Variants in PCDHGA11 observed in about 807,000 individuals in gnomAD.
The protein encoded by PCDHGA11 is protocadherin gamma-A11.
PCDHGA11 carries 39 observed loss-of-function variants against 60.4 expected under a neutral mutation model. The ratio of observed to expected loss-of-function variants is 0.65; its 90% confidence interval spans 0.50 to 0.84. The LOEUF (loss-of-function observed/expected upper bound fraction) is 0.84, where lower values mean the gene tolerates loss of function less well. PCDHGA11 is among the 40% of genes least tolerant of loss of function. The probability of loss-of-function intolerance (pLI) is 0.00; values close to 1 mark genes in which losing one functional copy is unlikely to be tolerated. For synonymous variants in PCDHGA11, 533 were observed against 510.3 expected (o/e 1.04, Z -0.60); for missense variants, 1,165 against 1,197.7 (o/e 0.97, Z 0.40).
chr5:141,490,497 C>T lies in PCDHGA11; in HGVS notation c.2434-4310C>T. 8 of 1,614,196 alleles carry T rather than the reference C, an allele frequency of 5.0e-6. No individual in the cohort carries two copies. Among genetic ancestry groups the T allele is most frequent in the Non-Finnish European group, 6.8e-6 (8 of 1,180,038 alleles). ...CTTTGGACCGGGAGGCCACATCCCACTATATCATCGAGCTGCTGGCCAGCG... is the reference window on the plus strand; with the variant it reads ...CTTTGGACCGGGAGGCCACATCCCATTATATCATCGAGCTGCTGGCCAGCG... On this transcript the variant is annotated intron_variant, in intron 1 of 3. Transcript: ENST00000398587. The surrounding 1 kb of genome is among the most constrained non-coding windows in gnomAD (Gnocchi z 5.4).
intron 3 of PCDHGA11, among the ~76,000 whole-genome samples, chr5:141,507,479 C>T (rs1050741571): frequency 1.3e-5 from 2 of 152,198 alleles, no homozygotes; most frequent in East Asian, 1.9e-4. Flanking sequence ...GACTGCTGGC[C>T]TCCTGAGGCA....
chr5:141,459,939 G>A (rs377668643), intron 1 of PCDHGA11, among the ~76,000 whole-genome samples: 7 of 152,256 alleles, frequency 4.6e-5, no homozygotes, highest in Non-Finnish European at 7.4e-5. Flanking sequence ...GTAGCTGGGC[G>A]TGATGGCAGG....
chr5:141,426,829 A>G, intron 1 of PCDHGA11: 2 of 456,716 alleles, frequency 4.4e-6, no homozygotes, highest in South Asian at 3.1e-5. Context: ...CTGATGATGG[A>G]CAAGACTAAA....
chr5:141,486,659 G>A lies in PCDHGA11; in HGVS notation c.2434-8148G>A, dbSNP rs758578821. The stretch of plus-strand genomic sequence containing the variant: ...TGCGCTTATCTCCTACTCACTCCTG[G>A]AGCCCAGGAATCGAGATGTATCAGC... On this transcript the variant is annotated intron_variant, in intron 1 of 3. Transcript: ENST00000398587. This position sits in a 1 kb window ranked among gnomAD's most constrained non-coding sequence, Gnocchi z 5.0. 5.0e-6 allele frequency: 8 copies of A among 1,613,944 alleles called. No homozygotes were observed. Among genetic ancestry groups the A allele is most frequent in the Middle Eastern group, 1.6e-4 (1 of 6,062 alleles).
In PCDHGA11 at chr5:141,485,990, C is replaced by T. The variant is rs1285988124; in HGVS notation, c.2434-8817C>T. 2.5e-6 allele frequency: 4 copies of T among 1,614,168 alleles called. No homozygotes were observed. The stretch of plus-strand genomic sequence containing the variant: ...CAATGCCTCAGACCCGGACCTGGGT[C>T]CCAGTGGTAACGTCACCTTTTATTT... On this transcript the variant is annotated intron_variant, in intron 1 of 3. Coordinates refer to ENST00000398587, the MANE Select transcript of PCDHGA11 (RefSeq NM_018914.3). This position sits in a 1 kb window ranked among gnomAD's most constrained non-coding sequence, Gnocchi z 5.7.
At position 141,476,247 on chromosome 5, in the gene PCDHGA11, G is replaced by C. The variant is rs1439421662; in HGVS notation, c.2434-18560G>C. 1 of 1,614,042 alleles carries C rather than the reference G, an allele frequency of 6.2e-7. No individual in the cohort carries two copies. Among genetic ancestry groups the C allele is most frequent in the Non-Finnish European group, 8.5e-7 (1 of 1,180,010 alleles). ...GAGATCCCGGAGGAAAGAGAGAAGG[G>C]TTTCGCTGTGGGCAACGTGGTCGCG... On this transcript the variant is annotated intron_variant, in intron 1 of 3. Coordinates refer to ENST00000398587, the MANE Select transcript of PCDHGA11 (RefSeq NM_018914.3). The surrounding 1 kb of genome is among the most constrained non-coding windows in gnomAD (Gnocchi z 7.6).
At chr5:141,488,011 T>C (rs1424799954) in intron 1 of PCDHGA11, among the ~76,000 whole-genome samples, 1 of 152,182 alleles carries the variant, frequency 6.6e-6, no homozygotes, top group Non-Finnish European at 1.5e-5. Context: ...GATTCTGAAG[T>C]ACCTTAACTC....
intron 1 of PCDHGA11, chr5:141,478,198 ACTT>A (rs2099438516): frequency 1.2e-6 from 2 of 1,613,746 alleles, no homozygotes; most frequent in African/African-American, 1.3e-5. Context: ...CCTTTTATCT[ACTT>A]CTTTCTCTAA....
chr5:141,485,938 A>G lies in PCDHGA11; in HGVS notation c.2434-8869A>G. The stretch of plus-strand genomic sequence containing the variant: ...ACAGGATTAGTGTGTTGGAGAGCGC[A>G]CCAGCGGGCATGGTGCTCATCCAGC... On this transcript the variant is annotated intron_variant, in intron 1 of 3. Transcript: ENST00000398587. The surrounding 1 kb of genome is among the most constrained non-coding windows in gnomAD (Gnocchi z 5.7). 6.2e-7 allele frequency: 1 copy of G among 1,614,162 alleles called. No individual in the cohort carries two copies. The highest frequency in any genetic ancestry group is 1.3e-5 in the African/African-American group (1 of 75,028).
At chr5:141,492,163 C>G (rs921256341) in intron 1 of PCDHGA11, among the ~76,000 whole-genome samples, 3 of 152,232 alleles carry the variant, frequency 2.0e-5, no homozygotes, top group Admixed American at 6.5e-5. Flanking sequence ...CCTCCCTATC[C>G]CCGCATCACC....
At position 141,505,908 on chromosome 5, in the gene PCDHGA11, T is replaced by C. The variant is rs114551975; in HGVS notation, c.2581+427T>C. On this transcript the variant is annotated intron_variant, in intron 3 of 3. Coordinates refer to ENST00000398587, the MANE Select transcript of PCDHGA11 (RefSeq NM_018914.3). ...TTAAATGAGATGATACCACAAAGCATAGAGTTCTGGGCCTGGCGCTTGGAA... is the reference window on the plus strand; with the variant it reads ...TTAAATGAGATGATACCACAAAGCACAGAGTTCTGGGCCTGGCGCTTGGAA... 4.0e-3 allele frequency among the ~76,000 whole-genome samples: 608 copies of C among 152,218 alleles called. 3 individuals are homozygous for C. The highest frequency in any genetic ancestry group is 0.013 in the African/African-American group (551 of 41,540).
At position 141,485,727 on chromosome 5, in the gene PCDHGA11, G is replaced by T. The variant is rs773176318; in HGVS notation, c.2434-9080G>T. The T allele has an allele frequency of 3.1e-6, 5 of 1,614,196 alleles. No homozygotes were observed. In the Admixed American group the frequency reaches 5.0e-5, roughly 16 times the overall value. Reference sequence around the variant, plus strand: ...CACTTTGCACTGGATGTGAAGAAGCGCAGCGACGGCAGCCTGGTCCCAGAG... The same window carrying T: ...CACTTTGCACTGGATGTGAAGAAGCTCAGCGACGGCAGCCTGGTCCCAGAG... On this transcript the variant is annotated intron_variant, in intron 1 of 3. Transcript: ENST00000398587. The surrounding 1 kb of genome is among the most constrained non-coding windows in gnomAD (Gnocchi z 5.7).
chr5:141,455,143 T>C (rs984886337), intron 1 of PCDHGA11, among the ~76,000 whole-genome samples: 1 of 149,894 alleles, frequency 6.7e-6, no homozygotes, highest in Non-Finnish European at 1.5e-5. Flanking sequence ...CTGTGTTAAA[T>C]AAATATTAGT....
chr5:141,485,682 A>G lies in PCDHGA11; in HGVS notation c.2434-9125A>G, dbSNP rs779441999. Reference sequence around the variant, plus strand: ...GTGGGGAGCAATTCGATTAGCAGCTATAGGCTGAGCTCCAATGAACACTTT... The same window carrying G: ...GTGGGGAGCAATTCGATTAGCAGCTGTAGGCTGAGCTCCAATGAACACTTT... On this transcript the variant is annotated intron_variant, in intron 1 of 3. Coordinates refer to ENST00000398587, the MANE Select transcript of PCDHGA11 (RefSeq NM_018914.3). This position sits in a 1 kb window ranked among gnomAD's most constrained non-coding sequence, Gnocchi z 5.7. 6.2e-7 allele frequency: 1 copy of G among 1,614,076 alleles called. No homozygotes were observed. Among genetic ancestry groups the G allele is most frequent in the Non-Finnish European group, 8.5e-7 (1 of 1,179,964 alleles).
intron 2 of PCDHGA11, among the ~76,000 whole-genome samples, chr5:141,500,136 A>G (rs966215589): frequency 6.6e-6 from 1 of 151,606 alleles, no homozygotes; most frequent in African/African-American, 2.4e-5. Flanking sequence ...ATATCTTTCT[A>G]AACTTTTCTT....
intron 1 of PCDHGA11, among the ~76,000 whole-genome samples, chr5:141,466,735 T>C (rs2099128254): frequency 6.6e-6 from 1 of 152,224 alleles, no homozygotes; most frequent in South Asian, 2.1e-4. Context: ...GCAGAATTCA[T>C]GTTACTCTGA....
At position 141,491,196 on chromosome 5, in the gene PCDHGA11, T is replaced by C. The variant is rs899789155; in HGVS notation, c.2434-3611T>C. ...TGGTGGTCCTGGTGAGGGACAATGGTGACCCTTCACTCTCCTCCACAGCCA... is the reference window on the plus strand; with the variant it reads ...TGGTGGTCCTGGTGAGGGACAATGGCGACCCTTCACTCTCCTCCACAGCCA... On this transcript the variant is annotated intron_variant, in intron 1 of 3. Transcript: ENST00000398587. The surrounding 1 kb of genome is among the most constrained non-coding windows in gnomAD (Gnocchi z 6.9). The C allele has an allele frequency of 6.8e-6, 11 of 1,614,186 alleles. No homozygotes were observed. The highest frequency in any genetic ancestry group is 9.3e-6 in the Non-Finnish European group (11 of 1,180,030).
At chr5:141,447,649 T>C (rs909020761) in intron 1 of PCDHGA11, among the ~76,000 whole-genome samples, 1 of 152,206 alleles carries the variant, frequency 6.6e-6, no homozygotes, top group Non-Finnish European at 1.5e-5. Context: ...TGGTAGAATT[T>C]TCCCCCCCAG....
In PCDHGA11 at chr5:141,432,571, G is replaced by A. The variant is rs776214748; in HGVS notation, c.2433+8911G>A. On this transcript the variant is annotated intron_variant, in intron 1 of 3. Coordinates refer to ENST00000398587, the MANE Select transcript of PCDHGA11 (RefSeq NM_018914.3). The surrounding 1 kb of genome is among the most constrained non-coding windows in gnomAD (Gnocchi z 6.0). ...GAGACTCCGGCCAGAACGCCTGGCT[G>A]TCCTACCGTCTGCTCAAGGCCAGCG... is the stretch of plus-strand genomic sequence containing the variant. 1.2e-6 allele frequency: 2 copies of A among 1,613,954 alleles called. No homozygotes were observed. Among genetic ancestry groups the A allele is most frequent in the South Asian group, 1.1e-5 (1 of 91,068 alleles).
Sources: allele counts gnomAD v4.1 joint callset (sites outside exome capture counted in the v4.1 genomes callset), GRCh38; gene constraint gnomAD v4.1.1; non-coding constraint Gnocchi (gnomAD v3.1); transcripts MANE v1.5; gene names NCBI Gene and HGNC (gene_info 2026-07-23, HGNC 2026-07-21).